The following SLC25A32 variants were observed in gnomAD, a reference collection of about 807,000 sequenced individuals.
SLC25A32 encodes Glycine auxotroph B, complementation of hamster.
A neutral mutation model predicts 39.0 loss-of-function variants in SLC25A32; 32 were observed. That is an observed-to-expected ratio of 0.82 (90% confidence interval 0.62 to 1.10). The LOEUF (loss-of-function observed/expected upper bound fraction) is 1.10, where lower values mean the gene tolerates loss of function less well. Among genes scored for constraint, SLC25A32 ranks in the 50% least tolerant of loss-of-function variants. The pLI is 0.00. For missense variants in SLC25A32, 367 were observed against 395.3 expected (o/e 0.93, Z 0.61); for synonymous variants, 166 against 152.4 (o/e 1.09, Z -0.66).
intron 2 of SLC25A32, 88 bp from the exon 3 acceptor site, chr8:103,404,949 A>G (rs775196582): frequency 9.8e-6 from 8 of 814,770 alleles, no homozygotes; most frequent in African/African-American, 1.7e-5. Context: ...CAGTACCCCA[A>G]AAGCACAAGT....
rs990651097 is a variant in SLC25A32 at position 103,399,074 on chromosome 8, C to A, written c.*1337G>T. On this transcript the variant is annotated 3_prime_UTR_variant, in exon 7 of 7. Transcript: ENST00000297578. ...TATTCTGGCATCCTTTGGGTACAGGCCCTTTTATATTTATAGATGTCTACA... is the reference window on the plus strand; with the variant it reads ...TATTCTGGCATCCTTTGGGTACAGGACCTTTTATATTTATAGATGTCTACA... 1.3e-5 allele frequency: 2 copies of A among 152,120 alleles called. No individual in the cohort carries two copies. Among genetic ancestry groups the A allele is most frequent in the Admixed American group, 6.5e-5 (1 of 15,276 alleles). The allele number at this position is 152,120 out of a possible 1,614,324, so 9.4% of individuals were successfully genotyped here.
intron 2 of SLC25A32, among the ~76,000 whole-genome samples, chr8:103,405,537 G>C (rs560285249): frequency 4.2e-4 from 64 of 152,256 alleles, no homozygotes; most frequent in Admixed American, 3.3e-3. Flanking sequence ...ATTGAGATTT[G>C]CATTTTATTT....
chr8:103,412,945 A>C (rs572216362), intron 1 of SLC25A32, among the ~76,000 whole-genome samples: 1 of 152,282 alleles, frequency 6.6e-6, no homozygotes, highest in Admixed American at 6.5e-5. Context: ...TAATCAATAA[A>C]TTTTTATTTC....
chr8:103,402,248 T>A (rs894196165), intron 4 of SLC25A32, 194 bp from the exon 5 acceptor site: 22 of 440,146 alleles, frequency 5.0e-5, no homozygotes, highest in Non-Finnish European at 8.4e-5. Context: ...TTCTACTTTA[T>A]TTTTAAAGGT....
At chr8:103,411,858 T>C (rs887806458) in intron 1 of SLC25A32, among the ~76,000 whole-genome samples, 2 of 152,234 alleles carry the variant, frequency 1.3e-5, no homozygotes, top group African/African-American at 2.4e-5. Flanking sequence ...ATCTGGCAGC[T>C]TAACTTTCTG....
At chr8:103,410,343 A>G (rs3098243) in intron 1 of SLC25A32, among the ~76,000 whole-genome samples, 69,589 of 152,060 alleles carry the variant, frequency 0.46, 15,999 homozygotes, top group African/African-American at 0.49. Flanking sequence ...TGGGCGGAGT[A>G]CGAGCGAAGC....
At chr8:103,413,144 T>C (rs1816500589) in intron 1 of SLC25A32, among the ~76,000 whole-genome samples, 1 of 152,226 alleles carries the variant, frequency 6.6e-6, no homozygotes, top group African/African-American at 2.4e-5. Context: ...AGACTATTAA[T>C]CTTCTCAGGT....
rs1426344398 is a variant in SLC25A32 at position 103,401,926 on chromosome 8, C to T, written c.666+15G>A. 6.3e-7 allele frequency: 1 copy of T among 1,583,584 alleles called. No individual in the cohort carries two copies. The highest frequency in any genetic ancestry group is 8.6e-7 in the Non-Finnish European group (1 of 1,162,852). ...ATAAAAGGAAATGATATCATTTTTA[C>T]AAGAATAATCTTACCAACTGGGCTT... On this transcript the variant is annotated intron_variant, in intron 5 of 6. Coordinates refer to ENST00000297578, the MANE Select transcript of SLC25A32 (RefSeq NM_030780.5).
At position 103,402,299 on chromosome 8, in the gene SLC25A32, T is replaced by C. The variant is rs77286121; in HGVS notation, c.553-245A>G. ...TTAGTTTTTCTTTAAACAGTATACA[T>C]ATAAAGAAGACCCACACTGTCAAGA... is the stretch of plus-strand genomic sequence containing the variant. On this transcript the variant is annotated intron_variant, in intron 4 of 6. Coordinates refer to ENST00000297578, the MANE Select transcript of SLC25A32 (RefSeq NM_030780.5). The C allele has an allele frequency of 1.6e-3, 488 of 299,868 alleles. 2 individuals carry two copies. The highest frequency in any genetic ancestry group is 1.0e-2 in the African/African-American group (457 of 45,876). The allele number at this position is 299,868 out of a possible 1,614,324, so 18.6% of individuals were successfully genotyped here.
intron 5 of SLC25A32, 132 bp downstream of exon 5, chr8:103,401,809 C>G (rs1816224511): frequency 1.0e-6 from 1 of 955,844 alleles, no homozygotes; most frequent in Non-Finnish European, 1.5e-6. Flanking sequence ...AAATATTTAA[C>G]TATAAATTAA....
intron 1 of SLC25A32, among the ~76,000 whole-genome samples, chr8:103,413,085 T>G (rs990660775): frequency 6.6e-6 from 1 of 152,212 alleles, no homozygotes; most frequent in African/African-American, 2.4e-5. Flanking sequence ...AATCCTTTTA[T>G]CTGTCACCTC....
At chr8:103,409,109 A>G (rs1361702488) in intron 1 of SLC25A32, among the ~76,000 whole-genome samples, 1 of 152,242 alleles carries the variant, frequency 6.6e-6, no homozygotes, top group East Asian at 1.9e-4. Context: ...GGTTATAGAA[A>G]ACCACAAGGA....
At chr8:103,401,782 G>T in intron 5 of SLC25A32, 121 bp from the exon 6 acceptor site, 1 of 1,032,058 alleles carries the variant, frequency 9.7e-7, no homozygotes, top group Non-Finnish European at 1.4e-6. Context: ...TTTGACATTT[G>T]TGTGGCTTCA....
chr8:103,408,348 T>C (rs1816388502), intron 1 of SLC25A32, among the ~76,000 whole-genome samples: 1 of 152,152 alleles, frequency 6.6e-6, no homozygotes, highest in South Asian at 2.1e-4. Flanking sequence ...ATTGAGGGCA[T>C]ACTAAGCACT....
chr8:103,410,478 G>A (rs1816442252), intron 1 of SLC25A32, among the ~76,000 whole-genome samples: 1 of 152,180 alleles, frequency 6.6e-6, no homozygotes, highest in African/African-American at 2.4e-5. Context: ...GCACATGCAA[G>A]GGATCTAGGC....
At position 103,403,409 on chromosome 8, in the gene SLC25A32, T is replaced by TAAA. The variant is rs11447002; in HGVS notation, c.392-88_392-86dup. 1,035 of 249,548 alleles carry TAAA rather than the reference T, an allele frequency of 4.1e-3. 5 individuals carry two copies. Among genetic ancestry groups the TAAA allele is most frequent in the African/African-American group, 0.017 (553 of 33,384 alleles). The allele number at this position is 249,548 out of a possible 1,614,324, so 15.5% of individuals were successfully genotyped here. A position where few individuals can be genotyped will look rare whatever the true frequency, so the allele number is the denominator to read the frequency against. ...CCAAATTAGAAACAGTACATTTATG[T>TAAA]AAAAAAAAAAAAAAAAAAAAAGATA... On this transcript the variant is annotated intron_variant, in intron 3 of 6. Coordinates refer to ENST00000297578, the MANE Select transcript of SLC25A32 (RefSeq NM_030780.5).
At chr8:103,403,766 C>G (rs1400228818) in intron 3 of SLC25A32, among the ~76,000 whole-genome samples, 1 of 152,292 alleles carries the variant, frequency 6.6e-6, no homozygotes, top group East Asian at 1.9e-4. Context: ...GCATGTGACA[C>G]ATATATCTAC....
chr8:103,400,881 T>A (rs937479270), intron 6 of SLC25A32, among the ~76,000 whole-genome samples: 3 of 152,246 alleles, frequency 2.0e-5, no homozygotes, highest in African/African-American at 7.2e-5. Context: ...ATAGCTTGGA[T>A]AAATGCTAGC....
In SLC25A32 at chr8:103,414,982, TG is replaced by T; in HGVS notation, c.-46del. On this transcript the variant is annotated 5_prime_UTR_variant, in exon 1 of 7. Transcript: ENST00000297578. ...ACCACGGCGCCCAGGGCCGCGGAGG[TG>T]GGACGCGATGCAGTGGCCGCCACCG... The T allele has an allele frequency of 6.4e-7, 1 of 1,572,364 alleles. No homozygotes were observed. The highest frequency in any genetic ancestry group is 8.6e-7 in the Non-Finnish European group (1 of 1,160,234).
Sources: allele counts gnomAD v4.1 joint callset (sites outside exome capture counted in the v4.1 genomes callset), GRCh38; gene constraint gnomAD v4.1.1; transcripts MANE v1.5; gene names NCBI Gene and HGNC (gene_info 2026-07-23, HGNC 2026-07-21).